The following DEPDC5 variants were observed in gnomAD, a reference collection of about 807,000 sequenced individuals.
DEPDC5 encodes the protein DEP domain containing 5, GATOR1 subcomplex subunit, also known as GATOR1 complex protein DEPDC5.
In DEPDC5, 73 loss-of-function variants were observed where a neutral mutation model predicts 217.3. That is an observed-to-expected ratio of 0.34 (90% CI 0.28 to 0.41). The LOEUF (loss-of-function observed/expected upper bound fraction) is 0.41, where lower values mean the gene tolerates loss of function less well. Among genes scored for constraint, DEPDC5 ranks in the 10% least tolerant of loss-of-function variants. DEPDC5 has a pLI of 1.00. For synonymous variants in DEPDC5, 733 were observed against 756.7 expected, an observed-to-expected ratio of 0.97 and a Z score of 0.51; for missense variants, 1,675 against 2,070.1, an observed-to-expected ratio of 0.81 and a Z score of 3.70.
At chr22:31,792,676 A>G in intron 11 of DEPDC5, 69 bp from the exon 12 acceptor site, 1 of 1,108,384 alleles carries the variant, frequency 9.0e-7, no homozygotes, top group Middle Eastern at 2.1e-4. Flanking sequence ...TTTAACCCAG[A>G]AGAGGAAGCT....
intron 6 of DEPDC5, 66 bp from the exon 7 acceptor site, chr22:31,768,746 ATC>A (rs1030463430): frequency 1.1e-5 from 14 of 1,325,224 alleles, no homozygotes; most frequent in East Asian, 4.8e-5. Context: ...ATGTTAATCA[ATC>A]TCTCTCTCTT....
At chr22:31,817,706 C>T (rs543813541) in intron 21 of DEPDC5, among the ~76,000 whole-genome samples, 1 of 152,146 alleles carries the variant, frequency 6.6e-6, no homozygotes, top group South Asian at 2.1e-4. Context: ...AGGCTGGTCT[C>T]GAACTCCTGG....
intron 22 of DEPDC5, among the ~76,000 whole-genome samples, chr22:31,820,113 T>TGTGTGA (rs1491385938): frequency 9.1e-6 from 1 of 110,388 alleles, no homozygotes; most frequent in African/African-American, 3.9e-5. Context: ...TCCAGGATTT[T>TGTGTGA]GTGTGTGTGT....
At chr22:31,900,946 G>A (rs2149414761) in intron 40 of DEPDC5, among the ~76,000 whole-genome samples, 1 of 151,954 alleles carries the variant, frequency 6.6e-6, no homozygotes, top group Admixed American at 6.6e-5. Flanking sequence ...TTTTAAAAAT[G>A]TAGAAATTAG....
intron 38 of DEPDC5, among the ~76,000 whole-genome samples, chr22:31,886,927 C>T (rs2093328910): frequency 6.7e-6 from 1 of 148,384 alleles, no homozygotes; most frequent in Non-Finnish European, 1.5e-5. Context: ...ACTAAAGATA[C>T]AAAAAATTAG....
intron 28 of DEPDC5, 86 bp from the exon 29 acceptor site, chr22:31,843,559 C>T (rs1229904676): frequency 1.3e-6 from 2 of 1,482,934 alleles, no homozygotes; most frequent in African/African-American, 2.8e-5. Flanking sequence ...AAGGATGGTT[C>T]TAAGTGTATA....
intron 38 of DEPDC5, among the ~76,000 whole-genome samples, chr22:31,883,033 T>A (rs2093218253): frequency 1.3e-5 from 2 of 152,230 alleles, no homozygotes; most frequent in Non-Finnish European, 2.9e-5. Context: ...TCAGCACTAC[T>A]GACATTTTGG....
At chr22:31,763,077 G>C (rs59703898) in intron 4 of DEPDC5, among the ~76,000 whole-genome samples, 1 of 151,932 alleles carries the variant, frequency 6.6e-6, no homozygotes, top group Non-Finnish European at 1.5e-5. Flanking sequence ...TGCAACCTCC[G>C]CCTCCTGGAT....
chr22:31,845,240 A>C lies in DEPDC5; in HGVS notation c.3021+3A>C. ...ATCGCTCGGATCGCATGATGCGGGT[A>C]AGGGCTCCTTAGACTCAGGGAGTGC... On this transcript the variant is annotated splice_donor_region_variant and intron_variant, in intron 30 of 42. Transcript: ENST00000651528. 1 of 1,612,594 alleles carries C rather than the reference A, an allele frequency of 6.2e-7. No individual in the cohort carries two copies. The highest frequency in any genetic ancestry group is 1.1e-5 in the South Asian group (1 of 90,790).
intron 6 of DEPDC5, among the ~76,000 whole-genome samples, chr22:31,767,949 G>A (rs186906374): frequency 0.014 from 2,087 of 150,112 alleles, 17 homozygotes; most frequent in Middle Eastern, 0.032. Flanking sequence ...GTTTCACCAC[G>A]TTAGCCAGGA....
intron 21 of DEPDC5, 27 bp downstream of exon 21, chr22:31,815,239 C>T: frequency 6.2e-7 from 1 of 1,611,378 alleles, no homozygotes; most frequent in South Asian, 1.1e-5. Flanking sequence ...ACAGACAGAG[C>T]CAGGGACATC....
chr22:31,759,428 C>T (rs891304203), intron 3 of DEPDC5, among the ~76,000 whole-genome samples: 1 of 149,736 alleles, frequency 6.7e-6, no homozygotes, highest in Non-Finnish European at 1.5e-5. Context: ...GGCTGAAGTG[C>T]AGTGGTGGGA....
At chr22:31,845,345 G>A in intron 30 of DEPDC5, 108 bp downstream of exon 30, 1 of 1,381,672 alleles carries the variant, frequency 7.2e-7, no homozygotes, top group Non-Finnish European at 9.9e-7. Flanking sequence ...CTCCTCAGCT[G>A]CCCAGTGTTT....
chr22:31,826,779 A>C (rs539840009), intron 24 of DEPDC5, among the ~76,000 whole-genome samples: 15 of 152,230 alleles, frequency 9.9e-5, no homozygotes, highest in Non-Finnish European at 2.2e-4. Context: ...CTCAATGTTT[A>C]ACACATTTAT....
At chr22:31,799,084 G>A (rs1012440558) in intron 14 of DEPDC5, among the ~76,000 whole-genome samples, 4 of 145,314 alleles carry the variant, frequency 2.8e-5, no homozygotes, top group African/African-American at 7.7e-5. Flanking sequence ...TTGCTCTGTC[G>A]CCAGGCTGGA....
At chr22:31,812,894 C>T (rs969165576) in intron 20 of DEPDC5, among the ~76,000 whole-genome samples, 1 of 151,798 alleles carries the variant, frequency 6.6e-6, no homozygotes, top group Non-Finnish European at 1.5e-5. Flanking sequence ...ACATGCGCCT[C>T]CACGCCTGGC....
At chr22:31,806,239 C>G (rs771787113) in intron 18 of DEPDC5, 48 bp downstream of exon 18, 2 of 1,526,706 alleles carry the variant, frequency 1.3e-6, no homozygotes, top group African/African-American at 2.7e-5. Context: ...GTGGTCCAGT[C>G]TTATCTTGAG....
At chr22:31,901,477 T>C (rs1418456777) in intron 40 of DEPDC5, among the ~76,000 whole-genome samples, 2 of 152,212 alleles carry the variant, frequency 1.3e-5, no homozygotes, top group Non-Finnish European at 2.9e-5. Flanking sequence ...TGAGTTCTGG[T>C]AGCTCACACT....
intron 7 of DEPDC5, among the ~76,000 whole-genome samples, chr22:31,775,260 A>T (rs919048673): frequency 1.3e-5 from 2 of 151,576 alleles, no homozygotes; most frequent in East Asian, 3.9e-4. Flanking sequence ...GCTCATTGCA[A>T]CCTCTGCCTC....
Sources: allele counts gnomAD v4.1 joint callset (sites outside exome capture counted in the v4.1 genomes callset), GRCh38; gene constraint gnomAD v4.1.1; transcripts MANE v1.5; gene names NCBI Gene and HGNC (gene_info 2026-07-23, HGNC 2026-07-21).